IGSF9: variants seen among roughly 807,000 people sequenced by gnomAD.
The protein encoded by IGSF9 is protein turtle homolog A.
In IGSF9, 87 loss-of-function variants were observed where a neutral mutation model predicts 121.7. The ratio of observed to expected loss-of-function variants is 0.71; its 90% CI spans 0.60 to 0.85. The LOEUF (loss-of-function observed/expected upper bound fraction) is 0.85, where lower values mean the gene tolerates loss of function less well. Among genes scored for constraint, IGSF9 ranks in the 40% least tolerant of loss-of-function variants. IGSF9 has a pLI of 0.00. For synonymous variants in IGSF9, 640 were observed against 648.4 expected, an observed-to-expected ratio of 0.99 and a Z score of 0.20; for missense variants, 1,462 against 1,565.3, an observed-to-expected ratio of 0.93 and a Z score of 1.11.
Position 159,927,097 on chromosome 1 carries a change from C to CAGAGAGAGAGAGAGAG in IGSF9, c.*232_*247dup, listed in dbSNP as rs1553225973. 4.0e-5 allele frequency: 15 copies of CAGAGAGAGAGAGAGAG among 371,874 alleles called. No homozygotes were observed. The highest frequency in any genetic ancestry group is 1.9e-4 in the South Asian group (5 of 26,288). 23.0% of individuals were successfully genotyped at this position (371,874 alleles called of 1,614,324 possible). A position where few individuals can be genotyped will look rare whatever the true frequency, so the allele number is the denominator to read the frequency against. On this transcript the variant is annotated 3_prime_UTR_variant, in exon 21 of 21. Transcript: ENST00000368094. ...AACTTCACACACACACACACACACACAGAGAGAGAGAGAGAGAGAGAGAGA... is the reference window on the plus strand; with the variant it reads ...AACTTCACACACACACACACACACACAGAGAGAGAGAGAGAGAGAGAGAGAGAGAGAGAGAGAGAGA...
intron 8 of IGSF9, 23 bp from the exon 9 acceptor site, chr1:159,934,355 TG>T: frequency 6.4e-7 from 1 of 1,574,360 alleles, no homozygotes; most frequent in South Asian, 1.2e-5. Context: ...AGTGGCAAGT[TG>T]GGGGAGAGGG....
At chr1:159,928,106 G>A in intron 19 of IGSF9, 52 bp downstream of exon 19, 1 of 1,580,288 alleles carries the variant, frequency 6.3e-7, no homozygotes, top group African/African-American at 1.3e-5. Context: ...AGGGGTGAGA[G>A]GTCTGGGGTG....
Position 159,927,467 on chromosome 1 carries a change from C to T in IGSF9, c.3418G>A (p.Ala1140Thr). 6.2e-7 allele frequency: 1 copy of T among 1,614,136 alleles called. No homozygotes were observed. The highest frequency in any genetic ancestry group is 8.5e-7 in the Non-Finnish European group (1 of 1,180,046). Reference protein sequence around the residue: ...LNTAHVTGPEARCAALREEFL... With the variant: ...LNTAHVTGPETRCAALREEFL... ...TCCTCCCGAAGGGCAGCACAGCGGG[C>T]CTCAGGGCCAGTAACATGGGCAGTG... Residue 1140 changes from alanine to threonine, a missense_variant, in exon 21 of 21, where the codon GCC (alanine) becomes ACC (threonine). Ala to Thr is a moderately conservative substitution (Grantham distance 58). Coordinates refer to ENST00000368094, the MANE Select transcript of IGSF9 (RefSeq NM_001135050.2).
rs1394153297 is a variant in IGSF9 at position 159,934,454 on chromosome 1, G to A, written c.932C>T (p.Pro311Leu). Reference protein sequence around the residue: ...CVPSNGLLHPPSASAYLTVLY... With the variant: ...CVPSNGLLHPLSASAYLTVLY... ...CACAGTGAGGTAGGCAGAGGCTGAG[G>A]GTGGATGCAGGAGGCCATTGCTGGG... is the stretch of plus-strand genomic sequence containing the variant. Residue 311 changes from proline (P) to leucine (L), a missense_variant, in exon 8 of 21, where the codon CCC (proline) becomes CTC (leucine). This residue lies in a region of IGSF9 where 558 missense variants were observed against 599.4 expected (regional missense o/e 0.93). Coordinates refer to ENST00000368094, the MANE Select transcript of IGSF9 (RefSeq NM_001135050.2). The A allele has an allele frequency of 1.3e-6, 2 of 1,596,926 alleles. No homozygotes were observed. Among genetic ancestry groups the A allele is most frequent in the Non-Finnish European group, 1.7e-6 (2 of 1,171,766 alleles).
At chr1:159,934,167 C>T (rs377324658) in intron 9 of IGSF9, 23 bp downstream of exon 9, 1 of 1,601,316 alleles carries the variant, frequency 6.2e-7, no homozygotes, top group African/African-American at 1.3e-5. Context: ...TAAGACCCTC[C>T]TTCCCCTGCC....
Position 159,932,454 on chromosome 1 carries a change from C to A in IGSF9, c.1245+58G>T. ...CACCCCCATCAGCCTGGCCTTAGCACCATCTCCAGCCATCTGACCCACTGT... is the reference window on the plus strand; with the variant it reads ...CACCCCCATCAGCCTGGCCTTAGCAACATCTCCAGCCATCTGACCCACTGT... On this transcript the variant is annotated intron_variant, in intron 10 of 20. Coordinates refer to ENST00000368094, the MANE Select transcript of IGSF9 (RefSeq NM_001135050.2). This position sits in a 1 kb window ranked among gnomAD's most constrained non-coding sequence, Gnocchi z 4.1. 6.4e-7 allele frequency: 1 copy of A among 1,555,996 alleles called. No individual in the cohort carries two copies. Among genetic ancestry groups the A allele is most frequent in the Non-Finnish European group, 8.8e-7 (1 of 1,133,284 alleles).
At chr1:159,944,431 G>C (rs982415617) in intron 1 of IGSF9, among the ~76,000 whole-genome samples, 2 of 152,004 alleles carry the variant, frequency 1.3e-5, no homozygotes, top group Non-Finnish European at 2.9e-5. Flanking sequence ...ACTTCCTCAC[G>C]ATACTGCCAA....
At chr1:159,935,689 G>A (rs763421033) in intron 6 of IGSF9, among the ~76,000 whole-genome samples, 3 of 152,230 alleles carry the variant, frequency 2.0e-5, no homozygotes, top group Non-Finnish European at 4.4e-5. Context: ...TTACCTGCAC[G>A]ACCTCGTTTA....
chr1:159,941,267 A>T (rs1158077253), intron 3 of IGSF9, among the ~76,000 whole-genome samples: 1 of 152,182 alleles, frequency 6.6e-6, no homozygotes, highest in Non-Finnish European at 1.5e-5. Flanking sequence ...ACAGAAGAGC[A>T]TTGTCCTTAG....
rs369788979 is a variant in IGSF9 at position 159,936,391 on chromosome 1, G to C, written c.673+8C>G. The C allele has an allele frequency of 6.2e-7, 1 of 1,611,856 alleles. No individual in the cohort carries two copies. The highest frequency in any genetic ancestry group is 8.5e-7 in the Non-Finnish European group (1 of 1,178,224). ...ACCCTGGACCCCAGCCCTCCCGCCA[G>C]AGAGCACCTAGCACTAGCAGCTGGG... On this transcript the variant is annotated splice_region_variant and intron_variant, in intron 6 of 20. Transcript: ENST00000368094.
Position 159,927,852 on chromosome 1 carries a change from T to C in IGSF9, c.3266A>G (p.Asp1089Gly). The change falls in exon 20 of 21, where the codon GAC becomes GGC. Residue 1089 changes from aspartate to glycine, a missense_variant. Transcript: ENST00000368094. ...NTSVDENYEW[D>G]SEFPGDMELL... is the part of the protein sequence containing the mutation. The stretch of plus-strand genomic sequence containing the variant: ...TTCCATGTCCCCAGGGAATTCTGAG[T>C]CCCACTCATAGTTCTCGTCCACAGA... The C allele has an allele frequency of 6.2e-7, 1 of 1,612,196 alleles. No individual in the cohort carries two copies. The highest frequency in any genetic ancestry group is 2.2e-5 in the East Asian group (1 of 44,788).
At chr1:159,929,146 A>G (rs1182788787) in intron 18 of IGSF9, 128 bp from the exon 19 acceptor site, 1 of 1,376,140 alleles carries the variant, frequency 7.3e-7, no homozygotes, top group Non-Finnish European at 1.0e-6. Flanking sequence ...GAAAGGACCA[A>G]CAAGGTGGAG....
Position 159,932,596 on chromosome 1 carries a change from C to G in IGSF9, c.1161G>C (p.Glu387Asp), listed in dbSNP as rs1229051590. ...TGCAGGAGTATTCTCCCAGGGCATCCTCGTTCCCCAGGGCGATGATCAGTG... is the reference window on the plus strand; with the variant it reads ...TGCAGGAGTATTCTCCCAGGGCATCGTCGTTCCCCAGGGCGATGATCAGTG... ...EGSLIIALGN[E>D]DALGEYSCTP... The change falls in exon 10 of 21, where the codon GAG becomes GAC. Residue 387 changes from glutamate (E) to aspartate (D), a missense_variant. Coordinates refer to ENST00000368094, the MANE Select transcript of IGSF9 (RefSeq NM_001135050.2). The surrounding 1 kb of genome is among the most constrained non-coding windows in gnomAD (Gnocchi z 4.1). The G allele has an allele frequency of 1.9e-6, 3 of 1,613,854 alleles. No individual in the cohort carries two copies. Among genetic ancestry groups the G allele is most frequent in the East Asian group, 4.5e-5 (2 of 44,886 alleles).
At chr1:159,935,274 C>G (rs1407267708) in intron 6 of IGSF9, among the ~76,000 whole-genome samples, 1 of 152,214 alleles carries the variant, frequency 6.6e-6, no homozygotes, top group Non-Finnish European at 1.5e-5. Flanking sequence ...ACAGAAACAG[C>G]CCCTTGAGCC....
chr1:159,938,562 G>A (rs1043584464), intron 3 of IGSF9, among the ~76,000 whole-genome samples: 1 of 152,120 alleles, frequency 6.6e-6, no homozygotes, highest in Non-Finnish European at 1.5e-5. Flanking sequence ...TCAGACCGAG[G>A]GTGCCTACCC....
intron 3 of IGSF9, among the ~76,000 whole-genome samples, chr1:159,941,732 G>C (rs1187943779): frequency 1.3e-5 from 2 of 152,208 alleles, no homozygotes; most frequent in Non-Finnish European, 2.9e-5. Context: ...GCCTCAGCCC[G>C]GCAGCCCGAG....
At chr1:159,928,018 A>G (rs973739290) in intron 19 of IGSF9, 131 bp from the exon 20 acceptor site, 2 of 1,485,510 alleles carry the variant, frequency 1.3e-6, no homozygotes, top group Non-Finnish European at 1.8e-6. Context: ...CCTGGACCTC[A>G]GCAAAAGCTT....
rs1206572039 is a variant in IGSF9 at position 159,928,528 on chromosome 1, C to A, written c.2860G>T (p.Asp954Tyr). The change falls in exon 19 of 21, where the codon GAT (aspartate) becomes TAT (tyrosine). Residue 954 changes from aspartate (D) to tyrosine (Y), a missense_variant. Physicochemically the swap from Asp to Tyr is radical, Grantham distance 160 (BLOSUM62 -3). Coordinates refer to ENST00000368094, the MANE Select transcript of IGSF9 (RefSeq NM_001135050.2). ...GGACAGCGCCGGGTATCCATGTAAT[C>A]TGGGGGTGCAGCAGGGCTGGGCTCC... is the stretch of plus-strand genomic sequence containing the variant. Reference protein sequence around the residue: ...LEEPSPAAPPDYMDTRRCPTS... With the variant: ...LEEPSPAAPPYYMDTRRCPTS... 4 of 1,561,498 alleles carry A rather than the reference C, an allele frequency of 2.6e-6. No homozygotes were observed. Among genetic ancestry groups the A allele is most frequent in the Non-Finnish European group, 3.5e-6 (4 of 1,151,708 alleles).
At chr1:159,944,417 C>T (rs917009730) in intron 1 of IGSF9, among the ~76,000 whole-genome samples, 14 of 152,072 alleles carry the variant, frequency 9.2e-5, no homozygotes, top group African/African-American at 2.9e-4. Flanking sequence ...TGGCAGCTGG[C>T]GCCACTTCCT....
Sources: allele counts gnomAD v4.1 joint callset (sites outside exome capture counted in the v4.1 genomes callset), GRCh38; gene constraint gnomAD v4.1.1; regional missense constraint gnomAD v4.1.1; non-coding constraint Gnocchi (gnomAD v3.1); transcripts MANE v1.5; gene names NCBI Gene and HGNC (gene_info 2026-07-23, HGNC 2026-07-21).